ALDH3B2: variants seen among roughly 807,000 people sequenced by gnomAD.
The protein encoded by ALDH3B2 is aldehyde dehydrogenase 3 family member B2.
A neutral mutation model predicts 36.7 loss-of-function variants in ALDH3B2; 45 were observed. That is an observed-to-expected ratio of 1.23 (90% CI 0.97 to 1.57). The LOEUF is 1.57. ALDH3B2 is among the 40% of genes most tolerant of loss of function. The probability of loss-of-function intolerance (pLI) is 0.00; values close to 1 mark genes in which losing one functional copy is unlikely to be tolerated. For missense variants in ALDH3B2, 464 were observed against 513.3 expected (o/e 0.90, Z 0.93); for synonymous variants, 217 against 226.5 (o/e 0.96, Z 0.38).
chr11:67,662,996 T>A, exon 10 of ALDH3B2: 1 of 595,952 alleles, frequency 1.7e-6, no homozygotes. Context: ...ACACCTGGCA[T>A]GTTCTGCGGC....
At chr11:67,670,594 G>A (rs1435314441) in intron 1 of ALDH3B2, among the ~76,000 whole-genome samples, 2 of 152,184 alleles carry the variant, frequency 1.3e-5, no homozygotes. Context: ...CTCGCCCATG[G>A]ACAGAGCCAG....
At chr11:67,675,204 GTTTA>G (rs746817963), upstream of ALDH3B2, among the ~76,000 whole-genome samples, 13 of 152,152 alleles carry the variant, frequency 8.5e-5, no homozygotes, top group Non-Finnish European at 1.6e-4. Flanking sequence ...TTGTTCATTG[GTTTA>G]TTTATTTACT....
chr11:67,675,658 T>C (rs1856252774), upstream of ALDH3B2, among the ~76,000 whole-genome samples: 2 of 152,164 alleles, frequency 1.3e-5, no homozygotes, highest in African/African-American at 4.8e-5. Context: ...CCCTGGAATC[T>C]TCGGTAGCTA....
upstream of ALDH3B2, among the ~76,000 whole-genome samples, chr11:67,675,922 A>G (rs1391681903): frequency 2.0e-5 from 3 of 152,234 alleles, no homozygotes; most frequent in Non-Finnish European, 4.4e-5. Context: ...AAATAAATTA[A>G]AATATGCTCA....
At position 67,666,797 on chromosome 11, in the gene ALDH3B2, A is replaced by T; in HGVS notation, c.31-103T>A. On this transcript the variant is annotated intron_variant, in intron 3 of 9. Coordinates refer to ENST00000349015, the Ensembl canonical transcript of ALDH3B2. The stretch of plus-strand genomic sequence containing the variant: ...TCCCTGTGCGATGGAATCCCAGGAG[A>T]GACGAGAAAATCAGTGACTCGCCCG... The T allele has an allele frequency of 6.2e-6, 10 of 1,608,748 alleles. No homozygotes were observed. The Admixed American group carries it at 1.7e-4, about 27-fold the overall frequency.
chr11:67,664,525 A>G (rs745368545), exon 8 of ALDH3B2: 16 of 1,613,664 alleles, frequency 9.9e-6, no homozygotes, highest in Non-Finnish European at 1.4e-5. Flanking sequence ...CCTGCATCAC[A>G]GGCTCCGTCT....
At chr11:67,664,281 C>T in intron 8 of ALDH3B2, 115 bp downstream of exon 8, 4 of 1,507,098 alleles carry the variant, frequency 2.7e-6, no homozygotes, top group Non-Finnish European at 3.6e-6. Context: ...TAGATATAGT[C>T]ACCCTTGAGG....
exon 9 of ALDH3B2, chr11:67,663,693 T>C: frequency 6.2e-7 from 1 of 1,612,766 alleles, no homozygotes; most frequent in Non-Finnish European, 8.5e-7. Flanking sequence ...ACAGCAGAGA[T>C]ATGTAGGTGA....
rs142770127 is a variant in ALDH3B2 at position 67,670,765 on chromosome 11, T to C, written c.-244-3130A>G. 9.5e-3 allele frequency among the ~76,000 whole-genome samples: 1,446 copies of C among 152,256 alleles called. 10 individuals are homozygous for C. Among genetic ancestry groups the C allele is most frequent in the South Asian group, 0.024 (118 of 4,832 alleles). ...TGCCGCCTCCCTCCCCTGGGCAGCG[T>C]GATCACATTCCTGGCACAGGACCCC... On this transcript the variant is annotated intron_variant, in intron 1 of 9. Coordinates refer to ENST00000349015, the Ensembl canonical transcript of ALDH3B2.
chr11:67,664,668 T>C, intron 7 of ALDH3B2, 106 bp from the exon 8 acceptor site: 1 of 1,465,322 alleles, frequency 6.8e-7, no homozygotes, highest in East Asian at 2.4e-5. Flanking sequence ...CAGGCCAGGA[T>C]CCCAAGGTCT....
In ALDH3B2 at chr11:67,672,900, A is replaced by ACTTT. The variant is rs776453413; in HGVS notation, c.-245+1533_-245+1536dup. ...GTCACCACGCCTGGCCACAAAATGAACTTTCTTTCTTTCTTTTCTTTTCTT... is the reference window on the plus strand; with the variant it reads ...GTCACCACGCCTGGCCACAAAATGAACTTTCTTTCTTTCTTTCTTTTCTTTTCTT... On this transcript the variant is annotated intron_variant, in intron 1 of 9. Transcript: ENST00000349015. Among the ~76,000 whole-genome samples the ACTTT allele has an allele frequency of 1.5e-3, 212 of 145,894 alleles. 4 individuals carry two copies. In the East Asian group the frequency reaches 0.027, roughly 19 times the overall value.
upstream of ALDH3B2, chr11:67,674,827 G>T (rs189308754): frequency 2.6e-5 from 4 of 152,344 alleles, no homozygotes; most frequent in Non-Finnish European, 5.9e-5. Flanking sequence ...GCTTTGCTCT[G>T]TGTTTCCTGG....
At chr11:67,665,597 C>G (rs1439902590) in exon 7 of ALDH3B2, 1 of 1,614,040 alleles carries the variant, frequency 6.2e-7, no homozygotes, top group Non-Finnish European at 8.5e-7. Context: ...GGGTTCTTGC[C>G]CCCCAGCTCC....
rs1326510802 is a variant in ALDH3B2, at chr11:67,666,889, C to G, written c.30+17G>C. The G allele has an allele frequency of 1.2e-6, 2 of 1,614,102 alleles. No homozygotes were observed. The highest frequency in any genetic ancestry group is 1.7e-6 in the Non-Finnish European group (2 of 1,180,042). ...GTGCCCTGCCCTGCCCTCCTGCCGC[C>G]TGCCAGCAGGGCTCACCAGGTTCGT... On this transcript the variant is annotated intron_variant, in intron 3 of 9. Transcript: ENST00000349015.
At chr11:67,672,301 G>T (rs1163954955) in intron 1 of ALDH3B2, among the ~76,000 whole-genome samples, 2 of 149,690 alleles carry the variant, frequency 1.3e-5, no homozygotes, top group Non-Finnish European at 3.0e-5. Context: ...GATTATAGGT[G>T]CCTGCCACCA....
chr11:67,666,468 T>C, intron 4 of ALDH3B2, 67 bp from the exon 5 acceptor site: 1 of 1,603,370 alleles, frequency 6.2e-7, no homozygotes, highest in South Asian at 1.1e-5. Context: ...GGGGCTGGGC[T>C]CAGAGGGCAT....
At chr11:67,666,744 C>T in intron 3 of ALDH3B2, 50 bp from the exon 4 acceptor site, 3 of 1,611,162 alleles carry the variant, frequency 1.9e-6, no homozygotes, top group Non-Finnish European at 2.5e-6. Context: ...ACCCCAAAGC[C>T]CACCCACTGC....
chr11:67,673,378 C>T lies in ALDH3B2; in HGVS notation c.-245+1059G>A, dbSNP rs77778766. 2.4e-3 allele frequency among the ~76,000 whole-genome samples: 372 copies of T among 152,314 alleles called. 2 individuals are homozygous for T. The highest frequency in any genetic ancestry group is 0.014 in the East Asian group (74 of 5,190). On this transcript the variant is annotated intron_variant, in intron 1 of 9. Transcript: ENST00000349015. Reference sequence around the variant, plus strand: ...TCACAGTCTACACACGGAACAATGACACCGGAAACAATATCATTACAAACA... The same window carrying T: ...TCACAGTCTACACACGGAACAATGATACCGGAAACAATATCATTACAAACA...
chr11:67,663,029 G>T (rs376098067), exon 10 of ALDH3B2: 4 of 738,594 alleles, frequency 5.4e-6, no homozygotes, highest in Non-Finnish European at 8.8e-6. Flanking sequence ...CTCGAGCAGC[G>T]TCCCCCAGAT....
Sources: allele counts gnomAD v4.1 joint callset (sites outside exome capture counted in the v4.1 genomes callset), GRCh38; gene constraint gnomAD v4.1.1; transcripts MANE v1.5; gene names NCBI Gene and HGNC (gene_info 2026-07-23, HGNC 2026-07-21).